TENT5D: variants seen among roughly 807,000 people sequenced by gnomAD.
TENT5D encodes terminal nucleotidyltransferase 5D.
For synonymous variants in TENT5D, 103 were observed against 100.6 expected (o/e 1.02, Z -0.15); for missense variants, 191 against 287.0 (o/e 0.67, Z 2.42).
chrX:80,363,396 G>A (rs1462844911), intron 3 of TENT5D, among the ~76,000 whole-genome samples: 3 of 111,286 alleles, frequency 2.7e-5, no homozygotes, highest in Non-Finnish European at 5.7e-5. Flanking sequence ...CAGGTTAGAG[G>A]ATATTTTGAC....
intron 3 of TENT5D, among the ~76,000 whole-genome samples, chrX:80,348,876 T>C (rs147159018): frequency 0.048 from 5,398 of 111,980 alleles, 116 homozygotes; most frequent in East Asian, 0.077. Context: ...TGAAGGGGTG[T>C]TGAATTTTAT....
chrX:80,395,503 C>T (rs1041363395), intron 3 of TENT5D, among the ~76,000 whole-genome samples: 6 of 111,757 alleles, frequency 5.4e-5, no homozygotes, highest in Admixed American at 1.9e-4. Context: ...GTTTCCTTTT[C>T]TCCACATCCT....
chrX:80,392,850 A>G (rs1046745157), intron 3 of TENT5D, among the ~76,000 whole-genome samples: 1 of 110,888 alleles, frequency 9.0e-6, no homozygotes, highest in African/African-American at 3.3e-5. Context: ...ATCTTCTCTA[A>G]ACTTTTTTTT....
intron 3 of TENT5D, among the ~76,000 whole-genome samples, chrX:80,410,813 T>G (rs2147553366): frequency 9.2e-6 from 1 of 108,512 alleles, no homozygotes; most frequent in Admixed American, 9.8e-5. Flanking sequence ...ATTGTGGCAT[T>G]ATTCACAATA....
At position 80,411,385 on chromosome X, in the gene TENT5D, T is replaced by C. The variant is rs975959728; in HGVS notation, c.-141-27225T>C. Among the ~76,000 whole-genome samples the C allele has an allele frequency of 1.8e-4, 20 of 112,282 alleles. 1 individual carries two copies. Among genetic ancestry groups the C allele is most frequent in the African/African-American group, 6.5e-4 (20 of 30,950 alleles). On this transcript the variant is annotated intron_variant, in intron 3 of 4. Coordinates refer to the TENT5D transcript ENST00000538312. ...TATAGACAAATTGACACAAATCATTTACTACATGCTTGAACTTACTGTTTT... is the reference window on the plus strand; with the variant it reads ...TATAGACAAATTGACACAAATCATTCACTACATGCTTGAACTTACTGTTTT...
intron 2 of TENT5D, among the ~76,000 whole-genome samples, chrX:80,441,036 T>G (rs1413830936): frequency 9.0e-6 from 1 of 111,261 alleles, no homozygotes; most frequent in Non-Finnish European, 1.9e-5. Flanking sequence ...ATAGATCATT[T>G]CATTCGATAG....
chrX:80,377,044 C>T (rs966038088), intron 3 of TENT5D, among the ~76,000 whole-genome samples: 1 of 110,392 alleles, frequency 9.1e-6, no homozygotes, highest in Non-Finnish European at 1.9e-5. Flanking sequence ...CATGTTTAGT[C>T]TTTATTGCCA....
chrX:80,339,080 T>C (rs12011166), intron 2 of TENT5D, among the ~76,000 whole-genome samples: 12,381 of 110,669 alleles, frequency 0.11, 774 homozygotes, highest in African/African-American at 0.23. Context: ...ACAAAAAAAT[T>C]CCAAAACAAA....
At chrX:80,420,000 C>T (rs1167204325), upstream of TENT5D, among the ~76,000 whole-genome samples, 1 of 112,223 alleles carries the variant, frequency 8.9e-6, no homozygotes, top group African/African-American at 3.2e-5. Flanking sequence ...CAGGCATGAG[C>T]CACCATGACC....
At chrX:80,407,581 G>T (rs1274029585) in intron 3 of TENT5D, among the ~76,000 whole-genome samples, 8 of 105,794 alleles carry the variant, frequency 7.6e-5, no homozygotes, top group African/African-American at 2.2e-4. Context: ...CCCAATACAG[G>T]AGCACCCCGA....
chrX:80,359,967 A>G (rs899390429), intron 3 of TENT5D, among the ~76,000 whole-genome samples: 2 of 111,744 alleles, frequency 1.8e-5, no homozygotes, highest in Non-Finnish European at 3.8e-5. Context: ...AAATAAGCAT[A>G]TTAAGGATAA....
chrX:80,405,617 T>C (rs1391124019), intron 3 of TENT5D, among the ~76,000 whole-genome samples: 3 of 111,600 alleles, frequency 2.7e-5, no homozygotes, highest in Non-Finnish European at 5.7e-5. Flanking sequence ...CCAGGGAGTC[T>C]CGCTGATTGC....
chrX:80,410,812 T>C lies in TENT5D; in HGVS notation c.-141-27798T>C, dbSNP rs1931644341. ...ATGCACACGTATGTTTATTGTGGCA[T>C]TATTCACAATAGCAAAGACTTGGAA... On this transcript the variant is annotated intron_variant, in intron 3 of 4. Transcript: ENST00000538312. Among the ~76,000 whole-genome samples, 3 of 108,299 alleles carry C rather than the reference T, an allele frequency of 2.8e-5. No individual in the cohort carries two copies. The South Asian group carries it at 1.2e-3, about 44-fold the overall frequency. 94.0% of individuals were successfully genotyped at this position (108,299 alleles called of 115,157 possible).
chrX:80,442,632 G>A (rs1466406638), exon 3 of TENT5D: 1 of 1,210,054 alleles, frequency 8.3e-7, no homozygotes, highest in African/African-American at 1.7e-5. Context: ...ATGGAAAGGG[G>A]AATTTCCCCA....
At chrX:80,346,432 G>A (rs1299915288) in intron 3 of TENT5D, among the ~76,000 whole-genome samples, 5 of 112,055 alleles carry the variant, frequency 4.5e-5, no homozygotes, top group African/African-American at 1.6e-4. Context: ...CTGGAGTTGT[G>A]ATACCATCTT....
intron 1 of TENT5D, among the ~76,000 whole-genome samples, chrX:80,426,988 G>T (rs1931999476): frequency 9.0e-6 from 1 of 111,139 alleles, no homozygotes; most frequent in Non-Finnish European, 1.9e-5. Flanking sequence ...TTCCACTTTT[G>T]CTTCTTTCTC....
intron 3 of TENT5D, among the ~76,000 whole-genome samples, chrX:80,385,311 A>G (rs1930969996): frequency 9.0e-6 from 1 of 111,683 alleles, no homozygotes; most frequent in South Asian, 3.7e-4. Context: ...GAGAAAAACA[A>G]GAAATGGGGA....
intron 3 of TENT5D, among the ~76,000 whole-genome samples, chrX:80,373,886 A>G (rs1004490583): frequency 9.0e-6 from 1 of 111,369 alleles, no homozygotes; most frequent in Non-Finnish European, 1.9e-5. Context: ...TTTGTTATGT[A>G]GGTAAACTCA....
intron 3 of TENT5D, among the ~76,000 whole-genome samples, chrX:80,383,146 T>G (rs1464946160): frequency 8.9e-6 from 1 of 112,669 alleles, no homozygotes; most frequent in Non-Finnish European, 1.9e-5. Context: ...AGGTAGTACT[T>G]TTAAATTTGC....
Sources: allele counts gnomAD v4.1 joint callset (sites outside exome capture counted in the v4.1 genomes callset), GRCh38; gene constraint gnomAD v4.1.1; transcripts MANE v1.5; gene names NCBI Gene and HGNC (gene_info 2026-07-23, HGNC 2026-07-21).